The following FRAS1 variants were observed in gnomAD, a reference collection of about 807,000 sequenced individuals.
FRAS1 encodes the protein extracellular matrix organizing protein FRAS1.
A neutral mutation model predicts 435.2 loss-of-function variants in FRAS1; 290 were observed. That is an observed-to-expected ratio of 0.67 (90% CI 0.61 to 0.73). The LOEUF is 0.73. Among genes scored for constraint, FRAS1 ranks in the 30% least tolerant of loss-of-function variants. The probability of loss-of-function intolerance (pLI) is 0.00; values close to 1 mark genes in which losing one functional copy is unlikely to be tolerated. For missense variants in FRAS1, 4,860 were observed against 5,001.5 expected, an observed-to-expected ratio of 0.97 and a Z score of 0.85; for synonymous variants, 1,800 against 1,851.0, an observed-to-expected ratio of 0.97 and a Z score of 0.71.
chr4:78,291,636 T>A (rs1384929240), intron 14 of FRAS1, among the ~76,000 whole-genome samples: 5 of 152,214 alleles, frequency 3.3e-5, no homozygotes, highest in Non-Finnish European at 5.9e-5. Context: ...TCATTTCCCC[T>A]TTCATTCTTT....
chr4:78,329,518 A>G (rs1321411591), intron 18 of FRAS1, among the ~76,000 whole-genome samples: 1 of 152,214 alleles, frequency 6.6e-6, no homozygotes, highest in East Asian at 1.9e-4. Context: ...AATGATTGGC[A>G]AGCCAATTTC....
chr4:78,340,733 C>G (rs559415974), intron 20 of FRAS1, among the ~76,000 whole-genome samples: 1 of 152,108 alleles, frequency 6.6e-6, no homozygotes, highest in Non-Finnish European at 1.5e-5. Flanking sequence ...TCAAGGTGCC[C>G]GCAGGCTTGG....
At chr4:78,277,944 T>C (rs1474402198) in intron 9 of FRAS1, among the ~76,000 whole-genome samples, 1 of 152,026 alleles carries the variant, frequency 6.6e-6, no homozygotes, top group Non-Finnish European at 1.5e-5. Context: ...CCTGAGTAGC[T>C]GGGACTACAG....
intron 2 of FRAS1, among the ~76,000 whole-genome samples, chr4:78,177,074 G>A (rs919535980): frequency 2.7e-5 from 4 of 149,340 alleles, no homozygotes; most frequent in African/African-American, 9.8e-5. Context: ...GAGGGAGAGA[G>A]AGAGTGATGT....
At chr4:78,283,709 G>A (rs1306343176) in intron 12 of FRAS1, among the ~76,000 whole-genome samples, 1 of 152,146 alleles carries the variant, frequency 6.6e-6, no homozygotes, top group East Asian at 1.9e-4. Context: ...TTTTTGTGAA[G>A]AGTTTATCAA....
At chr4:78,526,751 T>G (rs1721545907) in intron 70 of FRAS1, 94 bp downstream of exon 70, 1 of 771,698 alleles carries the variant, frequency 1.3e-6, no homozygotes, top group Admixed American at 3.3e-5. Context: ...CAAATCAACA[T>G]GGTGCTTTCA....
At chr4:78,524,411 C>A (rs1323207971) in intron 69 of FRAS1, among the ~76,000 whole-genome samples, 1 of 152,098 alleles carries the variant, frequency 6.6e-6, no homozygotes, top group East Asian at 1.9e-4. Context: ...AAGAGAGAGC[C>A]AGAGGCTGGG....
chr4:78,072,698 A>G (rs1287998868), intron 2 of FRAS1, among the ~76,000 whole-genome samples: 2 of 152,176 alleles, frequency 1.3e-5, no homozygotes, highest in African/African-American at 4.8e-5. Context: ...GCAAAAATTC[A>G]TCATTTTTTA....
intron 23 of FRAS1, among the ~76,000 whole-genome samples, chr4:78,370,910 C>A (rs919523929): frequency 1.3e-5 from 2 of 152,140 alleles, no homozygotes; most frequent in Non-Finnish European, 2.9e-5. Flanking sequence ...TTCTCTCTAT[C>A]CCTCTGATTC....
intron 9 of FRAS1, 40 bp downstream of exon 9, chr4:78,267,472 C>T: frequency 1.3e-6 from 2 of 1,582,496 alleles, no homozygotes; most frequent in Non-Finnish European, 1.7e-6. Flanking sequence ...CGTTGCAGCT[C>T]TTTCCAACGG....
chr4:78,459,512 A>G (rs1480772073), intron 47 of FRAS1, among the ~76,000 whole-genome samples: 1 of 152,230 alleles, frequency 6.6e-6, no homozygotes, highest in Non-Finnish European at 1.5e-5. Context: ...CAATTCTCAG[A>G]GGTGATGCTT....
At position 78,065,251 on chromosome 4, in the gene FRAS1, A is replaced by ATATATATGTATATAC. The variant is rs1271721990; in HGVS notation, c.77-723_77-709dup. 6.1e-5 allele frequency among the ~76,000 whole-genome samples: 9 copies of ATATATATGTATATAC among 148,032 alleles called. No homozygotes were observed. The East Asian group carries it at 1.8e-3, about 29-fold the overall frequency. On this transcript the variant is annotated intron_variant, in intron 1 of 73. Coordinates refer to ENST00000512123, the MANE Select transcript of FRAS1 (RefSeq NM_025074.7). ...TAGTATATAGTGGGTATACATGTGT[A>ATATATATGTATATAC]TATATATGTATATACTATATATGTA...
At chr4:78,518,131 AAC>A (rs1385241739) in intron 66 of FRAS1, among the ~76,000 whole-genome samples, 2 of 151,690 alleles carry the variant, frequency 1.3e-5, no homozygotes, top group Non-Finnish European at 2.9e-5. Flanking sequence ...AAAACAAACA[AAC>A]AAACAAACAA....
At chr4:78,369,143 A>T (rs374588821) in intron 22 of FRAS1, among the ~76,000 whole-genome samples, 1 of 152,342 alleles carries the variant, frequency 6.6e-6, no homozygotes, top group East Asian at 1.9e-4. Context: ...TGAGAGTTAT[A>T]TCGGAGAGTT....
At chr4:78,428,530 A>G (rs1198944740) in intron 35 of FRAS1, among the ~76,000 whole-genome samples, 1 of 152,076 alleles carries the variant, frequency 6.6e-6, no homozygotes, top group Non-Finnish European at 1.5e-5. Flanking sequence ...TCATCGTGTT[A>G]GCCAGGATGG....
Position 78,511,399 on chromosome 4 carries a change from T to C in FRAS1, c.9906T>C (p.Ala3302=). 1 of 1,613,994 alleles carries C rather than the reference T, an allele frequency of 6.2e-7. No homozygotes were observed. The highest frequency in any genetic ancestry group is 2.2e-5 in the East Asian group (1 of 44,872). ...TTGTTACCATTGGAACAGACAGTGC[T>C]ATCTGCCACACACCAGTGGTGGCTG... is the stretch of plus-strand genomic sequence containing the variant. ...SNIVTIGTDS[A]ICHTPVVAGT... Residue 3302 remains alanine, a synonymous_variant, in exon 64 of 74, where the codon GCT becomes GCC. Transcript: ENST00000512123.
chr4:78,518,446 ATATATATTTATTTATT>A (rs1409349405), intron 66 of FRAS1, among the ~76,000 whole-genome samples: 1,667 of 106,844 alleles, frequency 0.016, 16 homozygotes, highest in East Asian at 0.034. Flanking sequence ...ATATATATAT[ATATATATTTATTTATT>A]TATTTATTTG....
At chr4:78,508,406 C>T (rs1284624349) in intron 62 of FRAS1, among the ~76,000 whole-genome samples, 3 of 152,184 alleles carry the variant, frequency 2.0e-5, no homozygotes, top group Non-Finnish European at 4.4e-5. Flanking sequence ...TTTAAACTAG[C>T]AACTGCTATT....
intron 2 of FRAS1, among the ~76,000 whole-genome samples, chr4:78,193,260 G>T (rs1418990286): frequency 6.6e-6 from 1 of 152,186 alleles, no homozygotes; most frequent in Non-Finnish European, 1.5e-5. Context: ...GATTTGGGGT[G>T]GAGAGTTCTG....
Sources: gnomAD v4.1 joint callset for allele counts (sites outside exome capture counted in the v4.1 genomes callset) on GRCh38, gnomAD v4.1.1 for gene constraint, MANE v1.5 for transcripts, NCBI Gene and HGNC (gene_info 2026-07-23, HGNC 2026-07-21) for gene names.